The following SLC38A12 variants were observed in gnomAD, a reference collection of about 807,000 sequenced individuals.
SLC38A12 encodes putative sodium-coupled neutral amino acid transporter 12.
At chr17:74,783,594 C>T in the SLC38A12 span, among the ~76,000 whole-genome samples, 3 of 152,104 alleles carry the variant, frequency 2.0e-5, no homozygotes, top group South Asian at 6.2e-4. Flanking sequence ...CCCTTTTGTC[C>T]TGCTCTCAAA....
the SLC38A12 span, among the ~76,000 whole-genome samples, chr17:74,794,647 C>T: frequency 1.2e-4 from 18 of 152,256 alleles, no homozygotes; most frequent in East Asian, 5.8e-4. Flanking sequence ...CCAGCCCAGA[C>T]GCACCTGGGG....
chr17:74,802,714 G>A, the SLC38A12 span, among the ~76,000 whole-genome samples: 1 of 152,144 alleles, frequency 6.6e-6, no homozygotes, highest in East Asian at 1.9e-4. Context: ...TTTCCTTTGA[G>A]GATCGTGTCA....
the SLC38A12 span, among the ~76,000 whole-genome samples, chr17:74,829,906 C>A: frequency 6.6e-6 from 1 of 152,176 alleles, no homozygotes; most frequent in African/African-American, 2.4e-5. The surrounding 1 kb of genome is among the most constrained non-coding windows in gnomAD (Gnocchi z 4.1). Flanking sequence ...GCTCAGAGAC[C>A]AAGGCAGCAC....
the SLC38A12 span, chr17:74,785,747 A>G: frequency 7.6e-6 from 9 of 1,191,012 alleles, no homozygotes; most frequent in South Asian, 1.4e-4. Context: ...TTGCCAGGGT[A>G]TTCAGAGAGG....
chr17:74,828,235 G>A, the SLC38A12 span, among the ~76,000 whole-genome samples: 1 of 152,214 alleles, frequency 6.6e-6, no homozygotes, highest in Non-Finnish European at 1.5e-5. Context: ...GACATCTGGA[G>A]CCAGGTTCAG....
the SLC38A12 span, among the ~76,000 whole-genome samples, chr17:74,821,729 T>A: frequency 6.6e-6 from 1 of 152,236 alleles, no homozygotes; most frequent in Non-Finnish European, 1.5e-5. Flanking sequence ...CCGTTCTCCC[T>A]CCTTGCCTTC....
the SLC38A12 span, among the ~76,000 whole-genome samples, chr17:74,789,542 TCAA>T: frequency 1.3e-5 from 1 of 77,410 alleles, no homozygotes; most frequent in Non-Finnish European, 2.6e-5. Flanking sequence ...GGCAAGCATT[TCAA>T]AAAAAAAAAA....
the SLC38A12 span, among the ~76,000 whole-genome samples, chr17:74,801,399 C>A: frequency 1.3e-4 from 20 of 152,228 alleles, 1 homozygote; most frequent in Admixed American, 7.2e-4. Flanking sequence ...GTGTCTTCAG[C>A]CAGCTTTGGT....
the SLC38A12 span, among the ~76,000 whole-genome samples, chr17:74,809,280 A>G: frequency 3.9e-5 from 6 of 152,278 alleles, no homozygotes; most frequent in African/African-American, 1.4e-4. Flanking sequence ...TCGGCTGTCA[A>G]ACATTCAAAG....
the SLC38A12 span, chr17:74,819,855 A>T: frequency 6.2e-7 from 1 of 1,610,028 alleles, no homozygotes; most frequent in Middle Eastern, 1.7e-4. Flanking sequence ...TGAGTCTGAG[A>T]AACAGCTCGA....
At chr17:74,777,201 C>A in the SLC38A12 span, 1 of 1,051,344 alleles carries the variant, frequency 9.5e-7, no homozygotes, top group Non-Finnish European at 1.5e-6. Context: ...GGGAAGTCTG[C>A]AAGCCTCCTC....
the SLC38A12 span, chr17:74,836,726 G>A: frequency 1.3e-6 from 2 of 1,543,040 alleles, no homozygotes; most frequent in Non-Finnish European, 1.7e-6. The surrounding 1 kb of genome is among the most constrained non-coding windows in gnomAD (Gnocchi z 4.2). Flanking sequence ...AGGCATAGGG[G>A]CCCCAGCCCC....
chr17:74,784,486 G>C, the SLC38A12 span, among the ~76,000 whole-genome samples: 1 of 152,132 alleles, frequency 6.6e-6, no homozygotes, highest in Non-Finnish European at 1.5e-5. Context: ...AGCTGGACTT[G>C]AGGTCTGCAG....
At chr17:74,804,598 C>G in the SLC38A12 span, among the ~76,000 whole-genome samples, 2 of 152,194 alleles carry the variant, frequency 1.3e-5, no homozygotes, top group African/African-American at 4.8e-5. Flanking sequence ...GCCTCAGGCA[C>G]AAAAGGAGGC....
the SLC38A12 span, among the ~76,000 whole-genome samples, chr17:74,828,290 C>G: frequency 6.6e-6 from 1 of 152,186 alleles, no homozygotes; most frequent in Admixed American, 6.5e-5. Context: ...GCAGCCCTGC[C>G]AAGGCACAGC....
chr17:74,824,131 G>C, the SLC38A12 span, among the ~76,000 whole-genome samples: 1 of 152,208 alleles, frequency 6.6e-6, no homozygotes, highest in African/African-American at 2.4e-5. Context: ...CTGGTGTCAC[G>C]GTGAGATCTA....
the SLC38A12 span, among the ~76,000 whole-genome samples, chr17:74,789,947 G>T: frequency 0.59 from 76,987 of 130,428 alleles, 21,867 homozygotes; most frequent in Non-Finnish European, 0.64. Flanking sequence ...TTTCTTTTTT[G>T]TTTTTTTGTT....
At chr17:74,836,482 C>T in the SLC38A12 span, 16 of 1,610,224 alleles carry the variant, frequency 9.9e-6, 1 homozygote, top group Middle Eastern at 1.7e-4. This position sits in a 1 kb window ranked among gnomAD's most constrained non-coding sequence, Gnocchi z 4.2. Context: ...GGGGCCTACG[C>T]GGGCACCGGC....
the SLC38A12 span, chr17:74,795,627 T>C: frequency 6.2e-7 from 1 of 1,612,982 alleles, no homozygotes; most frequent in Non-Finnish European, 8.5e-7. Context: ...CTACCGCATC[T>C]ACTTGGTGAG....
Sources: gnomAD v4.1 joint callset for allele counts (sites outside exome capture counted in the v4.1 genomes callset) on GRCh38, gnomAD v4.1.1 for gene constraint, Gnocchi (gnomAD v3.1) non-coding constraint, MANE v1.5 for transcripts, NCBI Gene and HGNC (gene_info 2026-07-23, HGNC 2026-07-21) for gene names.